TNNI3K: variants seen among roughly 807,000 people sequenced by gnomAD.
The protein encoded by TNNI3K is serine/threonine-protein kinase TNNI3K.
A neutral mutation model predicts 114.5 loss-of-function variants in TNNI3K; 140 were observed. The observed-to-expected ratio is 1.22, with a 90% CI of 1.07 to 1.41. The LOEUF is 1.41. Among genes scored for constraint, TNNI3K ranks in the 40% most tolerant of loss-of-function variants. TNNI3K has a pLI of 0.00. For synonymous variants in TNNI3K, 347 were observed against 347.5 expected, an observed-to-expected ratio of 1.00 and a Z score of 0.02; for missense variants, 1,125 against 1,007.6, an observed-to-expected ratio of 1.12 and a Z score of -1.58.
chr1:74,314,699 A>G (rs1422558609), intron 5 of TNNI3K, among the ~76,000 whole-genome samples: 1 of 152,160 alleles, frequency 6.6e-6, no homozygotes, highest in Non-Finnish European at 1.5e-5. Context: ...TAGAGAAGTG[A>G]TCAAAGTCAT....
intron 5 of TNNI3K, among the ~76,000 whole-genome samples, chr1:74,283,677 T>A (rs2100261471): frequency 6.6e-6 from 1 of 152,290 alleles, no homozygotes; most frequent in Non-Finnish European, 1.5e-5. Flanking sequence ...GAGAAATCCC[T>A]TTGTAACCAT....
chr1:74,282,967 A>G (rs542708074), intron 5 of TNNI3K, among the ~76,000 whole-genome samples: 1 of 152,292 alleles, frequency 6.6e-6, no homozygotes, highest in Admixed American at 6.5e-5. Context: ...TATTGTTTCA[A>G]TATCAATCTA....
chr1:74,253,280 T>G (rs963411465), intron 4 of TNNI3K, among the ~76,000 whole-genome samples: 1 of 152,178 alleles, frequency 6.6e-6, no homozygotes, highest in African/African-American at 2.4e-5. Flanking sequence ...CTTCACCCAG[T>G]GGATCCCGCA....
chr1:74,486,201 AAG>A lies in TNNI3K; in HGVS notation c.2122-2957_2122-2956del, dbSNP rs58506314. Among the ~76,000 whole-genome samples the A allele has an allele frequency of 5.6e-3, 762 of 136,338 alleles. 6 individuals carry two copies. The highest frequency in any genetic ancestry group is 0.037 in the East Asian group (158 of 4,310). 89.4% of individuals were successfully genotyped at this position (136,338 alleles called of 152,430 possible). A position where few individuals can be genotyped will look rare whatever the true frequency, so the allele number is the denominator to read the frequency against. On this transcript the variant is annotated intron_variant, in intron 21 of 24. Transcript: ENST00000326637. The stretch of plus-strand genomic sequence containing the variant: ...GTCTACCCTCAGGCTAAATGCTATA[AAG>A]AGAGAGAGAGAGAGAGAGAGAGAGA...
chr1:74,453,227 G>C (rs546226126), intron 20 of TNNI3K, among the ~76,000 whole-genome samples: 128 of 152,112 alleles, frequency 8.4e-4, no homozygotes, highest in Non-Finnish European at 1.4e-3. Flanking sequence ...TGAAAGTCTT[G>C]CCTAAGAGTA....
chr1:74,380,433 C>T (rs45582635), intron 17 of TNNI3K, among the ~76,000 whole-genome samples: 2,274 of 152,216 alleles, frequency 0.015, 54 homozygotes, highest in African/African-American at 0.052. Context: ...GGTGCGAATG[C>T]TCAAAGCTAG....
intron 17 of TNNI3K, among the ~76,000 whole-genome samples, chr1:74,433,310 A>G (rs1033465707): frequency 2.0e-5 from 3 of 152,044 alleles, no homozygotes; most frequent in Non-Finnish European, 2.9e-5. Context: ...TCTGGGTGTG[A>G]TGCCCACTGA....
At chr1:74,362,807 T>G (rs2100503226) in intron 11 of TNNI3K, among the ~76,000 whole-genome samples, 1 of 151,878 alleles carries the variant, frequency 6.6e-6, no homozygotes, top group African/African-American at 2.4e-5. Context: ...AATAGACAAA[T>G]TAAAGGGAAA....
At chr1:74,245,957 C>A (rs2100838141) in intron 2 of TNNI3K, among the ~76,000 whole-genome samples, 1 of 152,222 alleles carries the variant, frequency 6.6e-6, no homozygotes, top group Non-Finnish European at 1.5e-5. Context: ...TGTGGAAGTA[C>A]AATAAACTCC....
Position 74,354,020 on chromosome 1 carries a change from T to C in TNNI3K, c.1068T>C (p.Val356=), listed in dbSNP as rs763170096. Reference sequence around the variant, plus strand: ...GCTACCACGGTCACATTCGCCTGGTTCAGTTCTTACTGGATAATGGAGCTG... The same window carrying C: ...GCTACCACGGTCACATTCGCCTGGTCCAGTTCTTACTGGATAATGGAGCTG... ...SACYHGHIRL[V]QFLLDNGADM... The change falls in exon 11 of 25, where the codon GTT becomes GTC. Residue 356 remains valine (V), a synonymous_variant. Transcript: ENST00000326637. 8.1e-6 allele frequency: 13 copies of C among 1,614,132 alleles called. No homozygotes were observed. The highest frequency in any genetic ancestry group is 5.0e-5 in the Admixed American group (3 of 60,032).
At chr1:74,356,914 A>G (rs1324295726) in intron 11 of TNNI3K, among the ~76,000 whole-genome samples, 1 of 152,182 alleles carries the variant, frequency 6.6e-6, no homozygotes, top group Non-Finnish European at 1.5e-5. Context: ...AACAAATTGA[A>G]TGTTGTTGCT....
chr1:74,323,447 A>G lies in TNNI3K; in HGVS notation c.445-8003A>G, dbSNP rs555676225. Among the ~76,000 whole-genome samples the G allele has an allele frequency of 4.7e-5, 7 of 148,724 alleles. No individual in the cohort carries two copies. In the East Asian group the frequency reaches 9.8e-4, roughly 21 times the overall value. On this transcript the variant is annotated intron_variant, in intron 5 of 24. Coordinates refer to ENST00000326637, the MANE Select transcript of TNNI3K (RefSeq NM_015978.3). ...AGATATTCTTGGCCCACTAGCACAC[A>G]TTTTTTTTTTTGCCTTCTAATGCTT...
At chr1:74,412,805 G>A (rs113881840) in intron 17 of TNNI3K, among the ~76,000 whole-genome samples, 156 of 152,124 alleles carry the variant, frequency 1.0e-3, no homozygotes, top group African/African-American at 3.5e-3. Context: ...ATTAGAGATG[G>A]GTTTCACCAT....
intron 19 of TNNI3K, 122 bp from the exon 20 acceptor site, chr1:74,439,368 T>C: frequency 6.9e-7 from 1 of 1,450,378 alleles, no homozygotes; most frequent in Non-Finnish European, 9.2e-7. Context: ...GATGTTAATT[T>C]ATATTTATGC....
chr1:74,413,743 A>G (rs1027724865), intron 17 of TNNI3K, among the ~76,000 whole-genome samples: 14 of 152,272 alleles, frequency 9.2e-5, no homozygotes, highest in African/African-American at 3.4e-4. Flanking sequence ...GTGCATCCAA[A>G]TTATTGTGTT....
chr1:74,445,995 A>G (rs1017426776), intron 20 of TNNI3K, among the ~76,000 whole-genome samples: 1 of 152,126 alleles, frequency 6.6e-6, no homozygotes, highest in Non-Finnish European at 1.5e-5. Context: ...TGCCACAATA[A>G]ACATACGTGT....
chr1:74,464,933 T>A, intron 21 of TNNI3K: 1 of 1,250,630 alleles, frequency 8.0e-7, no homozygotes, highest in East Asian at 3.1e-5. Context: ...GTATTGCCTA[T>A]CAGTGCCTTC....
intron 5 of TNNI3K, among the ~76,000 whole-genome samples, chr1:74,277,523 A>T (rs1656756499): frequency 6.6e-6 from 1 of 152,210 alleles, no homozygotes. Context: ...TTCATAATGC[A>T]TTCACTATAT....
chr1:74,460,588 A>T (rs1480786376), intron 20 of TNNI3K, among the ~76,000 whole-genome samples: 1 of 152,234 alleles, frequency 6.6e-6, no homozygotes, highest in South Asian at 2.1e-4. Context: ...ATCAAGGTAA[A>T]AATTTGATTA....
Sources: allele counts gnomAD v4.1 joint callset (sites outside exome capture counted in the v4.1 genomes callset), GRCh38; gene constraint gnomAD v4.1.1; transcripts MANE v1.5; gene names NCBI Gene and HGNC (gene_info 2026-07-23, HGNC 2026-07-21).